RYR3: variants seen among roughly 807,000 people sequenced by gnomAD.
RYR3 encodes the protein ryanodine receptor 3, also known as brain ryanodine receptor-calcium release channel.
RYR3 carries 207 observed loss-of-function variants against 584.3 expected under a neutral mutation model. That is an observed-to-expected ratio of 0.35 (90% CI 0.32 to 0.40). RYR3 has a LOEUF of 0.40. Among genes scored for constraint, RYR3 ranks in the 10% least tolerant of loss-of-function variants. The pLI, the probability that RYR3 is intolerant of heterozygous loss-of-function variation, is 1.00. For missense variants in RYR3, 5,616 were observed against 6,089.2 expected (o/e 0.92, Z 2.59); for synonymous variants, 2,416 against 2,248.5 (o/e 1.07, Z -2.11).
intron 2 of RYR3, among the ~76,000 whole-genome samples, chr15:33,482,405 T>G (rs1567336732): frequency 1.3e-5 from 2 of 151,948 alleles, no homozygotes; most frequent in East Asian, 3.9e-4. Context: ...CAATTTGGTT[T>G]TTGTTGTTGT....
rs199945346 is a variant in RYR3 at position 33,857,763 on chromosome 15, T to G, written c.14008-17T>G. 7.9e-5 allele frequency: 127 copies of G among 1,613,892 alleles called. No individual in the cohort carries two copies. The East Asian group carries it at 2.3e-3, about 29-fold the overall frequency. ...AAGACCCCACTCCTTTTCCTTTCTCTGTCCTCTCATTCCCAGTTGGTTCTG... is the reference window on the plus strand; with the variant it reads ...AAGACCCCACTCCTTTTCCTTTCTCGGTCCTCTCATTCCCAGTTGGTTCTG... On this transcript the variant is annotated splice_polypyrimidine_tract_variant and intron_variant, in intron 98 of 103. Transcript: ENST00000634891.
intron 1 of RYR3, among the ~76,000 whole-genome samples, chr15:33,357,997 A>G (rs1974223008): frequency 6.6e-6 from 1 of 152,176 alleles, no homozygotes; most frequent in African/African-American, 2.4e-5. Flanking sequence ...CCAGGGGCAA[A>G]AGCATACATC....
rs1207365781 is a variant in RYR3, at chr15:33,634,627, A to G, written c.3069A>G (p.Ala1023=). 9 of 1,613,938 alleles carry G rather than the reference A, an allele frequency of 5.6e-6. No homozygotes were observed. The highest frequency in any genetic ancestry group is 2.2e-5 in the East Asian group (1 of 44,866). ...NKRNPRLVPY[A]LLDERTKKSN... ...GAAATCCCCGTCTGGTGCCATATGC[A>G]TTACTGGATGAGCGTACCAAGAAGT... Residue 1023 remains alanine (A), a synonymous_variant, in exon 25 of 104, where the codon GCA becomes GCG. Transcript: ENST00000634891.
chr15:33,381,744 C>G (rs1287217099), intron 1 of RYR3, among the ~76,000 whole-genome samples: 1 of 152,126 alleles, frequency 6.6e-6, no homozygotes, highest in Non-Finnish European at 1.5e-5. Context: ...TGTTTTACTC[C>G]AGGAGCACAG....
intron 4 of RYR3, among the ~76,000 whole-genome samples, chr15:33,531,136 TG>T (rs1168403156): frequency 6.6e-6 from 1 of 152,122 alleles, no homozygotes; most frequent in African/African-American, 2.4e-5. Context: ...TGGTACTCAC[TG>T]TTTTCAGTCC....
intron 102 of RYR3, among the ~76,000 whole-genome samples, chr15:33,863,682 C>CTCCATGAGATTA (rs1323821532): frequency 6.6e-6 from 1 of 152,196 alleles, no homozygotes; most frequent in East Asian, 1.9e-4. Flanking sequence ...CTGGAAGAAT[C>CTCCATGAGATTA]TCCATGAGAT....
At chr15:33,735,597 A>G (rs1015381015) in intron 48 of RYR3, among the ~76,000 whole-genome samples, 1 of 152,204 alleles carries the variant, frequency 6.6e-6, no homozygotes, top group Non-Finnish European at 1.5e-5. Context: ...GGCAATGTAA[A>G]AAAAGCAAAA....
At chr15:33,857,992 C>T in intron 99 of RYR3, 78 bp downstream of exon 99, 1 of 1,577,278 alleles carries the variant, frequency 6.3e-7, no homozygotes, top group Admixed American at 1.7e-5. Flanking sequence ...GGAAGAAGGG[C>T]TGTGTGGGGG....
chr15:33,757,337 C>T, intron 59 of RYR3, 138 bp from the exon 60 acceptor site: 2 of 924,272 alleles, frequency 2.2e-6, no homozygotes, highest in Non-Finnish European at 3.3e-6. Context: ...AAACTGGGAC[C>T]AAAGGGGTAG....
chr15:33,453,860 A>T (rs2047332389), intron 1 of RYR3, among the ~76,000 whole-genome samples: 1 of 152,176 alleles, frequency 6.6e-6, no homozygotes, highest in African/African-American at 2.4e-5. Flanking sequence ...TAACCCTTTG[A>T]CTCTGTTGGA....
chr15:33,620,790 GA>G (rs1354138380), intron 19 of RYR3, among the ~76,000 whole-genome samples: 1 of 152,204 alleles, frequency 6.6e-6, no homozygotes, highest in African/African-American at 2.4e-5. Flanking sequence ...GTGAGGGGAG[GA>G]GCCACAGGTG....
At chr15:33,780,808 T>C (rs949107620) in intron 65 of RYR3, among the ~76,000 whole-genome samples, 1 of 152,144 alleles carries the variant, frequency 6.6e-6, no homozygotes, top group East Asian at 1.9e-4. Context: ...AGATAAGACA[T>C]AGAAAAGCAC....
At chr15:33,839,420 T>C (rs1049962999) in intron 89 of RYR3, among the ~76,000 whole-genome samples, 2 of 152,234 alleles carry the variant, frequency 1.3e-5, no homozygotes, top group African/African-American at 4.8e-5. Flanking sequence ...TTTTTATCCT[T>C]GTGATACACT....
chr15:33,527,824 G>A (rs2054518559), intron 3 of RYR3, among the ~76,000 whole-genome samples: 3 of 152,172 alleles, frequency 2.0e-5, no homozygotes, highest in Admixed American at 2.0e-4. Context: ...AGGAGGAAGG[G>A]CAGAGCAGGG....
intron 16 of RYR3, 103 bp downstream of exon 16, chr15:33,586,219 C>T (rs1006851283): frequency 4.1e-6 from 3 of 728,638 alleles, no homozygotes; most frequent in African/African-American, 1.8e-5. Context: ...TCTTTCTTGA[C>T]TTTGATAAAA....
At chr15:33,602,250 T>C (rs950991053) in intron 17 of RYR3, among the ~76,000 whole-genome samples, 1 of 152,242 alleles carries the variant, frequency 6.6e-6, no homozygotes, top group Non-Finnish European at 1.5e-5. Flanking sequence ...CTGGTTTTTC[T>C]TTGCCTACCC....
intron 3 of RYR3, among the ~76,000 whole-genome samples, chr15:33,504,560 C>T (rs1378090128): frequency 1.3e-5 from 2 of 152,172 alleles, no homozygotes; most frequent in Non-Finnish European, 2.9e-5. Flanking sequence ...CCCCTCCTCC[C>T]GTTTTTCCAC....
intron 19 of RYR3, among the ~76,000 whole-genome samples, chr15:33,613,911 C>T (rs1030675811): frequency 2.7e-4 from 41 of 152,132 alleles, no homozygotes; most frequent in African/African-American, 8.0e-4. Flanking sequence ...ATATAATAGC[C>T]CTTTATTTGG....
intron 38 of RYR3, among the ~76,000 whole-genome samples, chr15:33,689,821 C>T (rs892894821): frequency 6.6e-6 from 1 of 152,070 alleles, no homozygotes; most frequent in Admixed American, 6.6e-5. Context: ...CATTATTTTA[C>T]ACTTTATTTT....
Sources: allele counts gnomAD v4.1 joint callset (sites outside exome capture counted in the v4.1 genomes callset), GRCh38; gene constraint gnomAD v4.1.1; transcripts MANE v1.5; gene names NCBI Gene and HGNC (gene_info 2026-07-23, HGNC 2026-07-21).